The following KCNH7 variants were observed in gnomAD, a reference collection of about 807,000 sequenced individuals.
KCNH7 encodes the protein voltage-gated inwardly rectifying potassium channel KCNH7.
A neutral mutation model predicts 120.8 loss-of-function variants in KCNH7; 49 were observed. The observed-to-expected ratio is 0.41, with a 90% CI of 0.32 to 0.51. KCNH7 has a LOEUF of 0.51. KCNH7 is among the 20% of genes least tolerant of loss of function. The pLI is 0.38. For synonymous variants in KCNH7, 547 were observed against 516.1 expected (o/e 1.06, Z -0.81); for missense variants, 1,097 against 1,446.6 (o/e 0.76, Z 3.92).
intron 2 of KCNH7, among the ~76,000 whole-genome samples, chr2:162,794,511 T>C (rs1684068561): frequency 6.6e-6 from 1 of 152,094 alleles, no homozygotes; most frequent in Non-Finnish European, 1.5e-5. Context: ...TATATTCACT[T>C]AGTACTTATA....
chr2:162,554,413 T>TTTA (rs558824035), intron 2 of KCNH7, among the ~76,000 whole-genome samples: 77 of 151,928 alleles, frequency 5.1e-4, no homozygotes, highest in East Asian at 1.7e-3. Context: ...ATGTTGTCCT[T>TTTA]TTATTATTAT....
chr2:162,539,904 T>C (rs1692245614), intron 2 of KCNH7, among the ~76,000 whole-genome samples: 2 of 152,128 alleles, frequency 1.3e-5, no homozygotes, highest in African/African-American at 4.8e-5. Context: ...ATATATTTTA[T>C]AGAACAGAAA....
At position 162,655,358 on chromosome 2, in the gene KCNH7, A is replaced by G. The variant is rs565466281; in HGVS notation, c.308-118278T>C. Among the ~76,000 whole-genome samples the G allele has an allele frequency of 6.9e-4, 105 of 152,322 alleles. 1 individual carries two copies. The highest frequency in any genetic ancestry group is 3.4e-3 in the Middle Eastern group (1 of 294). On this transcript the variant is annotated intron_variant, in intron 2 of 15. Transcript: ENST00000332142. ...TTAAAGATATTGATGAAATTTTAATATTTTTAAAGCATCGAGATTCAAAGT... is the reference window on the plus strand; with the variant it reads ...TTAAAGATATTGATGAAATTTTAATGTTTTTAAAGCATCGAGATTCAAAGT...
At chr2:162,796,686 C>T (rs1393408031) in intron 2 of KCNH7, 2 of 152,070 alleles carry the variant, frequency 1.3e-5, no homozygotes, top group Non-Finnish European at 2.9e-5. Flanking sequence ...GGAGCATCTT[C>T]TGTATTATGT....
intron 2 of KCNH7, among the ~76,000 whole-genome samples, chr2:162,831,328 G>A (rs1433645227): frequency 2.0e-5 from 3 of 152,150 alleles, no homozygotes; most frequent in African/African-American, 7.2e-5. Context: ...GTATGTAGAG[G>A]ATGGATCGGG....
At chr2:162,424,130 C>A (rs902629414) in intron 8 of KCNH7, among the ~76,000 whole-genome samples, 1 of 152,068 alleles carries the variant, frequency 6.6e-6, no homozygotes, top group African/African-American at 2.4e-5. Flanking sequence ...CAGTTTTTAT[C>A]CTATTCCAAT....
At chr2:162,594,578 C>T (rs1694313657) in intron 2 of KCNH7, among the ~76,000 whole-genome samples, 1 of 151,938 alleles carries the variant, frequency 6.6e-6, no homozygotes, top group Non-Finnish European at 1.5e-5. Context: ...GTTAGCCCTT[C>T]ATATCTGTTG....
intron 2 of KCNH7, among the ~76,000 whole-genome samples, chr2:162,831,032 T>C (rs1309171370): frequency 3.9e-5 from 6 of 152,316 alleles, no homozygotes; most frequent in African/African-American, 9.6e-5. Flanking sequence ...GTTTAATGAC[T>C]GAAAACAAGT....
At chr2:162,384,651 C>T (rs1300518395) in intron 13 of KCNH7, 37 bp downstream of exon 13, 1 of 1,602,448 alleles carries the variant, frequency 6.2e-7, no homozygotes, top group East Asian at 2.2e-5. Flanking sequence ...GTGATTAGCA[C>T]TGAAGAGAGA....
chr2:162,567,293 C>T (rs1226650793), intron 2 of KCNH7, among the ~76,000 whole-genome samples: 1 of 151,924 alleles, frequency 6.6e-6, no homozygotes, highest in Non-Finnish European at 1.5e-5. Flanking sequence ...CTCTTTTTTA[C>T]TCTCTTTTCT....
At chr2:162,394,647 T>C (rs1447932469) in intron 11 of KCNH7, among the ~76,000 whole-genome samples, 162 bp from the exon 12 acceptor site, 1 of 151,994 alleles carries the variant, frequency 6.6e-6, no homozygotes, top group Non-Finnish European at 1.5e-5. Context: ...TACTTGTCTC[T>C]TTATTGTAAC....
At chr2:162,758,262 T>A (rs929796998) in intron 2 of KCNH7, among the ~76,000 whole-genome samples, 3 of 152,146 alleles carry the variant, frequency 2.0e-5, no homozygotes, top group Admixed American at 2.0e-4. Context: ...CCTGAGATCC[T>A]GGGCAGATAT....
At chr2:162,534,782 C>A (rs892391602) in intron 3 of KCNH7, among the ~76,000 whole-genome samples, 11 of 151,566 alleles carry the variant, frequency 7.3e-5, no homozygotes, top group African/African-American at 2.7e-4. Context: ...GATACCAACA[C>A]CTTAGAAAAT....
At chr2:162,823,273 G>C (rs958363055) in intron 2 of KCNH7, among the ~76,000 whole-genome samples, 5 of 151,862 alleles carry the variant, frequency 3.3e-5, no homozygotes, top group African/African-American at 9.7e-5. Flanking sequence ...TAGTCACATT[G>C]TAAGTGCTCA....
intron 2 of KCNH7, among the ~76,000 whole-genome samples, chr2:162,745,465 G>C (rs1688284355): frequency 6.6e-6 from 1 of 151,820 alleles, no homozygotes; most frequent in South Asian, 2.1e-4. Flanking sequence ...AAGTGATGTA[G>C]GTTAAGCCTT....
intron 2 of KCNH7, among the ~76,000 whole-genome samples, chr2:162,738,067 C>CAAAAA (rs58433565): frequency 5.0e-4 from 28 of 55,812 alleles, no homozygotes; most frequent in Middle Eastern, 0.012. Flanking sequence ...GACTTCATAT[C>CAAAAA]AAAAAAAAAA....
chr2:162,475,219 C>A (rs567762586), intron 6 of KCNH7, among the ~76,000 whole-genome samples: 2 of 152,118 alleles, frequency 1.3e-5, no homozygotes, highest in Non-Finnish European at 2.9e-5. Context: ...TTAAAGATGC[C>A]ATTTATGTGC....
chr2:162,717,180 A>T (rs1398310733), intron 2 of KCNH7, among the ~76,000 whole-genome samples: 1 of 152,088 alleles, frequency 6.6e-6, no homozygotes, highest in African/African-American at 2.4e-5. Flanking sequence ...TTTAAAAAAG[A>T]TACTACTTCA....
At chr2:162,726,620 G>A (rs529476637) in intron 2 of KCNH7, among the ~76,000 whole-genome samples, 2 of 152,086 alleles carry the variant, frequency 1.3e-5, no homozygotes, top group Admixed American at 6.5e-5. Context: ...AGGTTTCACC[G>A]TGTTGGCCAG....
Sources: gnomAD v4.1 joint callset for allele counts (sites outside exome capture counted in the v4.1 genomes callset) on GRCh38, gnomAD v4.1.1 for gene constraint, MANE v1.5 for transcripts, NCBI Gene and HGNC (gene_info 2026-07-23, HGNC 2026-07-21) for gene names.